Variants in CEP70 observed in about 807,000 individuals in gnomAD.
CEP70 encodes the protein centrosomal protein 70.
CEP70 carries 70 observed loss-of-function variants against 90.9 expected under a neutral mutation model. The observed-to-expected ratio is 0.77, with a 90% CI of 0.64 to 0.94. The LOEUF is 0.94. CEP70 is among the 40% of genes least tolerant of loss of function. The pLI is 0.00. For synonymous variants in CEP70, 220 were observed against 228.3 expected (o/e 0.96, Z 0.33); for missense variants, 648 against 669.0 (o/e 0.97, Z 0.35).
intron 2 of CEP70, among the ~76,000 whole-genome samples, chr3:138,576,531 G>T (rs1215347156): frequency 2.6e-5 from 4 of 152,102 alleles, no homozygotes; most frequent in Non-Finnish European, 4.4e-5. Flanking sequence ...CTGTCAATAT[G>T]AGACAGATCA....
chr3:138,551,347 G>A (rs947120325), intron 6 of CEP70, among the ~76,000 whole-genome samples: 8 of 152,088 alleles, frequency 5.3e-5, no homozygotes, highest in African/African-American at 1.7e-4. Flanking sequence ...AGCAATACAA[G>A]AACTACTAAA....
In CEP70 at chr3:138,553,184, A is replaced by G. The variant is rs373455821; in HGVS notation, c.466-15837T>C. Reference sequence around the variant, plus strand: ...CAGTGAGAACGAAATACTGCCTTCAAAAAAAAAAATACCGGCTGGGCACGA... The same window carrying G: ...CAGTGAGAACGAAATACTGCCTTCAGAAAAAAAAATACCGGCTGGGCACGA... On this transcript the variant is annotated intron_variant, in intron 6 of 17. Coordinates refer to ENST00000264982, the MANE Select transcript of CEP70 (RefSeq NM_024491.4). Among the ~76,000 whole-genome samples the G allele has an allele frequency of 4.0e-5, 6 of 149,528 alleles. No homozygotes were observed. The South Asian group carries it at 6.3e-4, about 16-fold the overall frequency.
At chr3:138,527,045 T>C (rs1452546068) in intron 10 of CEP70, among the ~76,000 whole-genome samples, 1 of 152,148 alleles carries the variant, frequency 6.6e-6, no homozygotes, top group Non-Finnish European at 1.5e-5. Flanking sequence ...GCTCCACTTA[T>C]AAGAAGTCTA....
chr3:138,518,118 G>A (rs11920904), intron 11 of CEP70, among the ~76,000 whole-genome samples: 2,741 of 152,296 alleles, frequency 0.018, 42 homozygotes, highest in Non-Finnish European at 0.028. Context: ...ACTGCAAGGC[G>A]GCAGCGAGGC....
intron 13 of CEP70, among the ~76,000 whole-genome samples, chr3:138,503,570 C>T (rs2108682247): frequency 6.6e-6 from 1 of 152,124 alleles, no homozygotes; most frequent in East Asian, 1.9e-4. Context: ...TAATTTGGAC[C>T]CTGAAACTGT....
intron 6 of CEP70, among the ~76,000 whole-genome samples, chr3:138,555,943 C>T (rs1218145097): frequency 3.3e-5 from 5 of 152,166 alleles, no homozygotes; most frequent in African/African-American, 9.7e-5. Flanking sequence ...GAAGTCATTA[C>T]ACAAATGTAC....
At chr3:138,534,439 C>T (rs1362961276) in intron 7 of CEP70, among the ~76,000 whole-genome samples, 1 of 152,174 alleles carries the variant, frequency 6.6e-6, no homozygotes, top group Non-Finnish European at 1.5e-5. Flanking sequence ...TGCTATGATT[C>T]TATTTCTAAT....
intron 10 of CEP70, among the ~76,000 whole-genome samples, chr3:138,528,052 T>TTGTG (rs1321749550): frequency 4.0e-5 from 6 of 149,834 alleles, no homozygotes; most frequent in African/African-American, 1.5e-4. Flanking sequence ...GAAGTTTTTT[T>TTGTG]TTTTTTTTTT....
chr3:138,581,019 T>C (rs950201574), intron 2 of CEP70, among the ~76,000 whole-genome samples: 1 of 151,808 alleles, frequency 6.6e-6, no homozygotes, highest in Non-Finnish European at 1.5e-5. Flanking sequence ...GCATGGTGGC[T>C]CATGCCTGTA....
chr3:138,546,134 C>T (rs554403541), intron 6 of CEP70, among the ~76,000 whole-genome samples: 1 of 152,212 alleles, frequency 6.6e-6, no homozygotes, highest in African/African-American at 2.4e-5. Flanking sequence ...CATGGACCTA[C>T]CAATATGTGA....
intron 11 of CEP70, among the ~76,000 whole-genome samples, chr3:138,523,176 C>A (rs192205817): frequency 5.9e-5 from 7 of 118,512 alleles, no homozygotes; most frequent in South Asian, 5.2e-4. Flanking sequence ...ATTCAACAAC[C>A]CTTCATGCTA....
intron 16 of CEP70, 123 bp downstream of exon 16, chr3:138,499,987 G>A (rs2034339190): frequency 8.5e-6 from 6 of 708,884 alleles, no homozygotes; most frequent in Non-Finnish European, 1.3e-5. Context: ...GCTCAGACTG[G>A]ACTTAAACTC....
intron 6 of CEP70, among the ~76,000 whole-genome samples, chr3:138,540,520 G>C (rs2038672654): frequency 6.7e-6 from 1 of 149,266 alleles, no homozygotes; most frequent in Admixed American, 6.7e-5. Context: ...CTGATCATTA[G>C]AGAAATGCAA....
At chr3:138,571,396 A>C in intron 3 of CEP70, 40 bp from the exon 4 acceptor site, 2 of 1,306,674 alleles carry the variant, frequency 1.5e-6, no homozygotes, top group Non-Finnish European at 2.2e-6. Context: ...AACTTTAGAT[A>C]TAAAGTGAAG....
chr3:138,568,026 A>C (rs2040906892), intron 6 of CEP70, among the ~76,000 whole-genome samples: 1 of 152,124 alleles, frequency 6.6e-6, no homozygotes, highest in South Asian at 2.1e-4. Flanking sequence ...ACTCTATAAA[A>C]TACCCATCAG....
At chr3:138,549,056 C>T (rs1338582936) in intron 6 of CEP70, among the ~76,000 whole-genome samples, 2 of 152,106 alleles carry the variant, frequency 1.3e-5, no homozygotes, top group Non-Finnish European at 2.9e-5. Context: ...GCCCTGTGGG[C>T]TCTCTGGGTC....
intron 11 of CEP70, among the ~76,000 whole-genome samples, chr3:138,511,183 G>C (rs965386936): frequency 6.6e-6 from 1 of 152,072 alleles, no homozygotes; most frequent in Non-Finnish European, 1.5e-5. Context: ...TCCTAACACA[G>C]TATTTCTCCT....
At chr3:138,539,896 G>C (rs907614354) in intron 6 of CEP70, among the ~76,000 whole-genome samples, 3 of 152,154 alleles carry the variant, frequency 2.0e-5, no homozygotes, top group Non-Finnish European at 4.4e-5. Flanking sequence ...TACCATACTG[G>C]ACATAGGAAT....
At chr3:138,523,260 C>T (rs2036863990) in intron 11 of CEP70, among the ~76,000 whole-genome samples, 2 of 152,130 alleles carry the variant, frequency 1.3e-5, no homozygotes, top group African/African-American at 4.8e-5. Flanking sequence ...AAACCCACAG[C>T]CAATATCATA....
Sources: allele counts gnomAD v4.1 joint callset (sites outside exome capture counted in the v4.1 genomes callset), GRCh38; gene constraint gnomAD v4.1.1; transcripts MANE v1.5; gene names NCBI Gene and HGNC (gene_info 2026-07-23, HGNC 2026-07-21).